The following CDC42BPB variants were observed in gnomAD, a reference collection of about 807,000 sequenced individuals.
The protein encoded by CDC42BPB is CDC42 binding protein kinase beta, also known as serine/threonine-protein kinase MRCK beta.
CDC42BPB carries 37 observed loss-of-function variants against 214.9 expected under a neutral mutation model. That is an observed-to-expected ratio of 0.17 (90% CI 0.13 to 0.23). The LOEUF (loss-of-function observed/expected upper bound fraction) is 0.23, where lower values mean the gene tolerates loss of function less well. CDC42BPB is among the 10% of genes least tolerant of loss of function. The pLI, the probability that CDC42BPB is intolerant of heterozygous loss-of-function variation, is 1.00. For missense variants in CDC42BPB, 1,694 were observed against 2,227.0 expected (o/e 0.76, Z 4.82); for synonymous variants, 931 against 884.0 (o/e 1.05, Z -0.94).
intron 21 of CDC42BPB, chr14:102,956,475 AC>A: frequency 1.0e-6 from 1 of 969,884 alleles, no homozygotes; most frequent in Non-Finnish European, 1.2e-6. Flanking sequence ...GCTCTAACAG[AC>A]CCAGCCCCTG....
intron 36 of CDC42BPB, 105 bp downstream of exon 36, chr14:102,937,999 G>A (rs1468151247): frequency 1.3e-5 from 15 of 1,196,150 alleles, no homozygotes; most frequent in Non-Finnish European, 1.5e-5. Context: ...CAAGTGGGGT[G>A]CTCCAAAAGG....
chr14:103,030,409 C>T (rs1887300698), intron 1 of CDC42BPB, among the ~76,000 whole-genome samples: 1 of 152,188 alleles, frequency 6.6e-6, no homozygotes, highest in Non-Finnish European at 1.5e-5. Flanking sequence ...TAAATGTGTT[C>T]AGGTGGCCAG....
chr14:102,976,079 T>C, intron 9 of CDC42BPB, 30 bp from the exon 10 acceptor site: 1 of 1,602,636 alleles, frequency 6.2e-7, no homozygotes. Context: ...GTTTTTTTGA[T>C]CTACTGAAAA....
rs113331453 is a variant in CDC42BPB, at chr14:103,003,908, T to C, written c.447+20A>G. The C allele has an allele frequency of 1.9e-6, 3 of 1,593,152 alleles. No individual in the cohort carries two copies. Among genetic ancestry groups the C allele is most frequent in the Non-Finnish European group, 2.6e-6 (3 of 1,163,112 alleles). On this transcript the variant is annotated intron_variant, in intron 4 of 36. Transcript: ENST00000361246. Reference sequence around the variant, plus strand: ...AGCCGGAGCGAATGCCCTGACCGAGTCTCTGGCTGTGCGACCTACCAGGTG... The same window carrying C: ...AGCCGGAGCGAATGCCCTGACCGAGCCTCTGGCTGTGCGACCTACCAGGTG...
intron 12 of CDC42BPB, among the ~76,000 whole-genome samples, chr14:102,973,745 G>A (rs1893595042): frequency 6.6e-6 from 1 of 152,248 alleles, no homozygotes; most frequent in African/African-American, 2.4e-5. Flanking sequence ...GGAGACTGGA[G>A]AGGCTGATTG....
intron 1 of CDC42BPB, among the ~76,000 whole-genome samples, chr14:103,046,589 A>G (rs886170526): frequency 2.0e-5 from 3 of 152,228 alleles, no homozygotes; most frequent in Non-Finnish European, 4.4e-5. Flanking sequence ...TTAAACAAAG[A>G]AATGTGTCTA....
intron 5 of CDC42BPB, among the ~76,000 whole-genome samples, chr14:102,994,484 G>A (rs964664058): frequency 2.0e-5 from 3 of 152,154 alleles, no homozygotes; most frequent in Non-Finnish European, 2.9e-5. Context: ...GAGGCCTTTA[G>A]ATGGGCAGAT....
At chr14:102,997,760 G>C (rs1595124788) in intron 5 of CDC42BPB, among the ~76,000 whole-genome samples, 1 of 152,184 alleles carries the variant, frequency 6.6e-6, no homozygotes, top group Non-Finnish European at 1.5e-5. Flanking sequence ...TCAACTACAA[G>C]GCTGCTGTCA....
chr14:102,982,273 C>T (rs938897189), intron 7 of CDC42BPB, among the ~76,000 whole-genome samples: 1 of 152,168 alleles, frequency 6.6e-6, no homozygotes. Context: ...GTAACTTTTG[C>T]TTTGCTTTGG....
chr14:102,950,985 A>C (rs1285890517), intron 24 of CDC42BPB, among the ~76,000 whole-genome samples: 1 of 152,174 alleles, frequency 6.6e-6, no homozygotes, highest in African/African-American at 2.4e-5. Context: ...AAATAAAACA[A>C]AACAAACAAA....
At chr14:102,951,997 G>A (rs1892511667) in intron 24 of CDC42BPB, among the ~76,000 whole-genome samples, 1 of 152,106 alleles carries the variant, frequency 6.6e-6, no homozygotes, top group Non-Finnish European at 1.5e-5. Flanking sequence ...GCACAATGGA[G>A]CCCCCAGCAC....
chr14:103,011,949 T>C (rs1467314660), intron 2 of CDC42BPB, 148 bp downstream of exon 2: 1 of 663,758 alleles, frequency 1.5e-6, no homozygotes, highest in East Asian at 2.8e-5. Context: ...GACCTCATCT[T>C]AGAAAGAGAG....
intron 12 of CDC42BPB, 77 bp downstream of exon 12, chr14:102,973,939 A>G (rs965061467): frequency 1.3e-6 from 2 of 1,496,348 alleles, no homozygotes; most frequent in Non-Finnish European, 9.0e-7. Flanking sequence ...GAGGTCTTCC[A>G]TCATCGGCAT....
intron 1 of CDC42BPB, among the ~76,000 whole-genome samples, chr14:103,031,600 G>A (rs184442009): frequency 2.0e-5 from 3 of 152,284 alleles, no homozygotes; most frequent in Admixed American, 1.3e-4. Flanking sequence ...TTTCCAGAAC[G>A]TCTGGCGATT....
rs1032199253 is a variant in CDC42BPB, at chr14:102,932,500, C to G, written c.*1212G>C. ...TTAAAAAAGTAAAAACCAGAACCCCCCAGGTGCCCATCCAGCAGAAGGCCC... is the reference window on the plus strand; with the variant it reads ...TTAAAAAAGTAAAAACCAGAACCCCGCAGGTGCCCATCCAGCAGAAGGCCC... On this transcript the variant is annotated 3_prime_UTR_variant, in exon 37 of 37. Coordinates refer to ENST00000361246, the MANE Select transcript of CDC42BPB (RefSeq NM_006035.4). 1 of 152,452 alleles carries G rather than the reference C, an allele frequency of 6.6e-6. No individual in the cohort carries two copies. Among genetic ancestry groups the G allele is most frequent in the African/African-American group, 2.4e-5 (1 of 41,422 alleles). The allele number at this position is 152,452 out of a possible 1,614,324, so 9.4% of individuals were successfully genotyped here.
intron 1 of CDC42BPB, among the ~76,000 whole-genome samples, chr14:103,021,888 T>C (rs1886796163): frequency 6.6e-6 from 1 of 152,100 alleles, no homozygotes; most frequent in Non-Finnish European, 1.5e-5. Flanking sequence ...GCGGATTTCC[T>C]GCTGGATGGG....
chr14:103,015,193 C>G (rs563568265), intron 1 of CDC42BPB, among the ~76,000 whole-genome samples: 91 of 152,280 alleles, frequency 6.0e-4, no homozygotes, highest in African/African-American at 2.1e-3. Flanking sequence ...TGTGTGCAGG[C>G]AGGAGCAAGT....
At chr14:102,993,715 T>C (rs999979290) in intron 5 of CDC42BPB, among the ~76,000 whole-genome samples, 2 of 152,068 alleles carry the variant, frequency 1.3e-5, no homozygotes, top group Non-Finnish European at 2.9e-5. Flanking sequence ...GAGTCACCCA[T>C]GTAAATAAAA....
At chr14:102,940,739 G>C (rs748799886) in intron 30 of CDC42BPB, 1 of 241,148 alleles carries the variant, frequency 4.1e-6, no homozygotes, top group Non-Finnish European at 8.3e-6. Context: ...TGGCAAGTCC[G>C]GTTTCCAGGT....
Sources: allele counts gnomAD v4.1 joint callset (sites outside exome capture counted in the v4.1 genomes callset), GRCh38; gene constraint gnomAD v4.1.1; transcripts MANE v1.5; gene names NCBI Gene and HGNC (gene_info 2026-07-23, HGNC 2026-07-21).